The following ARHGAP40 variants were observed in gnomAD, a reference collection of about 807,000 sequenced individuals.
ARHGAP40 encodes rho GTPase-activating protein 40.
In ARHGAP40, 43 loss-of-function variants were observed where a neutral mutation model predicts 73.5. The observed-to-expected ratio is 0.58, with a 90% CI of 0.46 to 0.75. The LOEUF (loss-of-function observed/expected upper bound fraction) is 0.75, where lower values mean the gene tolerates loss of function less well. Ranked by LOEUF, ARHGAP40 falls within the 30% of genes least tolerant of loss-of-function variation. The probability of loss-of-function intolerance (pLI) is 0.00; values close to 1 mark genes in which losing one functional copy is unlikely to be tolerated. For missense variants in ARHGAP40, 734 were observed against 861.8 expected (o/e 0.85, Z 1.86); for synonymous variants, 300 against 352.8 (o/e 0.85, Z 1.68).
At chr20:38,620,345 T>G (rs1248528332) in intron 1 of ARHGAP40, among the ~76,000 whole-genome samples, 1 of 152,238 alleles carries the variant, frequency 6.6e-6, no homozygotes, top group African/African-American at 2.4e-5. Flanking sequence ...AATGTGATGT[T>G]GGAACAATGA....
intron 5 of ARHGAP40, among the ~76,000 whole-genome samples, chr20:38,631,789 C>T (rs2088940299): frequency 2.0e-5 from 3 of 152,270 alleles, no homozygotes; most frequent in African/African-American, 7.2e-5. Context: ...CCACCCCCTG[C>T]AGTAGCCTCT....
chr20:38,632,852 G>T (rs1234149623), intron 5 of ARHGAP40, among the ~76,000 whole-genome samples: 1 of 151,974 alleles, frequency 6.6e-6, no homozygotes, highest in Non-Finnish European at 1.5e-5. Context: ...GCCAGGCATG[G>T]TGGCTCATGC....
intron 1 of ARHGAP40, among the ~76,000 whole-genome samples, chr20:38,602,653 T>C (rs913766448): frequency 1.3e-5 from 2 of 152,266 alleles, no homozygotes; most frequent in African/African-American, 4.8e-5. Flanking sequence ...CATATGTTCA[T>C]TCTTGAAAAC....
chr20:38,642,174 G>A (rs1391775903), intron 10 of ARHGAP40, among the ~76,000 whole-genome samples: 1 of 152,206 alleles, frequency 6.6e-6, no homozygotes, highest in African/African-American at 2.4e-5. Context: ...TCTCCAAGTG[G>A]GATTAGAGTA....
At chr20:38,632,242 G>A (rs1022584350) in intron 5 of ARHGAP40, among the ~76,000 whole-genome samples, 4 of 150,186 alleles carry the variant, frequency 2.7e-5, no homozygotes, top group Non-Finnish European at 3.0e-5. Flanking sequence ...AGGATTACAG[G>A]TATGAGCCAC....
chr20:38,647,248 G>A, intron 13 of ARHGAP40, 122 bp downstream of exon 13: 1 of 827,418 alleles, frequency 1.2e-6, no homozygotes, highest in South Asian at 1.9e-5. Context: ...CCTTTCTGGG[G>A]TGGTCAGATG....
In ARHGAP40 at chr20:38,646,836, C is replaced by G; in HGVS notation, c.1711-121C>G. On this transcript the variant is annotated intron_variant, in intron 12 of 14. Coordinates refer to ENST00000373345, the Ensembl canonical transcript of ARHGAP40. This position sits in a 1 kb window ranked among gnomAD's most constrained non-coding sequence, Gnocchi z 4.5. Reference sequence around the variant, plus strand: ...GTGTCCGGTATGCGTGTGTGTGTATCTTGTGATTTTCAGCGTGGGCATTTG... The same window carrying G: ...GTGTCCGGTATGCGTGTGTGTGTATGTTGTGATTTTCAGCGTGGGCATTTG... 1 of 885,668 alleles carries G rather than the reference C, an allele frequency of 1.1e-6. No homozygotes were observed. The highest frequency in any genetic ancestry group is 3.0e-5 in the Admixed American group (1 of 33,210). The allele number at this position is 885,668 out of a possible 1,614,324, so 54.9% of individuals were successfully genotyped here.
exon 2 of ARHGAP40, chr20:38,623,405 C>T: frequency 1.2e-5 from 16 of 1,290,912 alleles, no homozygotes; most frequent in Non-Finnish European, 1.5e-5. Context: ...CCAGAAGAAT[C>T]TCCTGCGACT....
chr20:38,650,602 A>G (rs1478408731), exon 15 of ARHGAP40: 1 of 470,464 alleles, frequency 2.1e-6, no homozygotes, highest in Non-Finnish European at 4.4e-6. Flanking sequence ...AATATGATAT[A>G]ATATGTAAAC....
chr20:38,643,617 C>A, intron 10 of ARHGAP40, 87 bp from the exon 11 acceptor site: 1 of 1,127,360 alleles, frequency 8.9e-7, no homozygotes, highest in Non-Finnish European at 1.2e-6. Context: ...CTAGCACCCC[C>A]TTATCATTCA....
At chr20:38,610,252 C>T (rs923978886) in intron 1 of ARHGAP40, among the ~76,000 whole-genome samples, 1 of 151,586 alleles carries the variant, frequency 6.6e-6, no homozygotes, top group African/African-American at 2.4e-5. Flanking sequence ...CTGTGCCACC[C>T]CCCTACCCCA....
intron 13 of ARHGAP40, among the ~76,000 whole-genome samples, chr20:38,647,557 AT>A (rs139280351): frequency 6.6e-6 from 1 of 151,824 alleles, no homozygotes; most frequent in African/African-American, 2.4e-5. Context: ...TGCCTGGATA[AT>A]TTTTTTGTAT....
At chr20:38,643,097 G>T (rs1177347298) in intron 10 of ARHGAP40, among the ~76,000 whole-genome samples, 2 of 150,282 alleles carry the variant, frequency 1.3e-5, no homozygotes, top group Non-Finnish European at 3.0e-5. Context: ...GCTGAGCCAA[G>T]ATCACACCAC....
chr20:38,613,405 C>A (rs536246553), intron 1 of ARHGAP40, among the ~76,000 whole-genome samples: 7 of 152,206 alleles, frequency 4.6e-5, no homozygotes, highest in Non-Finnish European at 1.0e-4. Flanking sequence ...ACCCCAGCAA[C>A]ATAATGATAC....
At chr20:38,648,083 T>C (rs2089065310) in intron 13 of ARHGAP40, among the ~76,000 whole-genome samples, 1 of 152,150 alleles carries the variant, frequency 6.6e-6, no homozygotes, top group African/African-American at 2.4e-5. Context: ...CAGACTGTCA[T>C]CTTCAGCAAG....
Position 38,613,410 on chromosome 20 carries a change from T to C in ARHGAP40, c.138-9949T>C, listed in dbSNP as rs570521495. On this transcript the variant is annotated intron_variant, in intron 1 of 14. Transcript: ENST00000373345. ...AATTCTCTGAACCCCAGCAACATAA[T>C]GATACTCCTGGCTTTCCAACCCTGG... Among the ~76,000 whole-genome samples, 631 of 152,282 alleles carry C rather than the reference T, an allele frequency of 4.1e-3. 5 individuals are homozygous for C. Among genetic ancestry groups the C allele is most frequent in the African/African-American group, 0.015 (606 of 41,558 alleles).
At chr20:38,626,067 G>A (rs527715519) in intron 2 of ARHGAP40, among the ~76,000 whole-genome samples, 2 of 152,230 alleles carry the variant, frequency 1.3e-5, no homozygotes, top group Non-Finnish European at 2.9e-5. Context: ...CACAAGTCAG[G>A]AATGGACCCA....
At position 38,646,705 on chromosome 20, in the gene ARHGAP40, C is replaced by T. The variant is rs1391006192; in HGVS notation, c.1711-252C>T. 6.6e-6 allele frequency among the ~76,000 whole-genome samples: 1 copy of T among 152,168 alleles called. No individual in the cohort carries two copies. Among genetic ancestry groups the T allele is most frequent in the Non-Finnish European group, 1.5e-5 (1 of 68,034 alleles). ...TGTGTTTGTGGGTGCGTTGCATGTA[C>T]TCCTGCTGTGTGTACAAGTGCACCG... On this transcript the variant is annotated intron_variant, in intron 12 of 14. Coordinates refer to ENST00000373345, the Ensembl canonical transcript of ARHGAP40. The surrounding 1 kb of genome is among the most constrained non-coding windows in gnomAD (Gnocchi z 4.5).
exon 1 of ARHGAP40, chr20:38,601,974 A>G (rs1431333056): frequency 1.6e-6 from 2 of 1,288,008 alleles, no homozygotes; most frequent in East Asian, 5.6e-5. Flanking sequence ...CCCGCCGCCC[A>G]GATGGAGAGG....
Sources: allele counts gnomAD v4.1 joint callset (sites outside exome capture counted in the v4.1 genomes callset), GRCh38; gene constraint gnomAD v4.1.1; non-coding constraint Gnocchi (gnomAD v3.1); transcripts MANE v1.5; gene names NCBI Gene and HGNC (gene_info 2026-07-23, HGNC 2026-07-21).